MASP1: variants seen among roughly 807,000 people sequenced by gnomAD.
The protein encoded by MASP1 is mannan-binding lectin serine protease 1.
Under a neutral mutation model 77.1 loss-of-function variants are expected in MASP1, and 59 were observed. That is an observed-to-expected ratio of 0.77 (90% CI 0.62 to 0.95). MASP1 has a LOEUF of 0.95. Ranked by LOEUF, MASP1 falls within the 40% of genes least tolerant of loss-of-function variation. The pLI is 0.00. For synonymous variants in MASP1, 362 were observed against 354.5 expected (o/e 1.02, Z -0.24); for missense variants, 885 against 912.9 (o/e 0.97, Z 0.39).
At chr3:187,222,580 T>G (rs924828481) in intron 14 of MASP1, among the ~76,000 whole-genome samples, 1 of 152,170 alleles carries the variant, frequency 6.6e-6, no homozygotes, top group Non-Finnish European at 1.5e-5. Flanking sequence ...TTGGAAATAG[T>G]ATCTTATGGT....
intron 2 of MASP1, among the ~76,000 whole-genome samples, chr3:187,283,897 A>G (rs774840192): frequency 1.3e-5 from 2 of 152,202 alleles, no homozygotes; most frequent in Non-Finnish European, 2.9e-5. Flanking sequence ...ACCCATACCT[A>G]CAATCCATCT....
intron 4 of MASP1, 123 bp downstream of exon 4, chr3:187,260,618 G>A: frequency 1.5e-6 from 2 of 1,327,582 alleles, no homozygotes; most frequent in Non-Finnish European, 1.1e-6. Context: ...TGGTGTCTGA[G>A]GTGCATCATT....
At chr3:187,239,137 G>T (rs1330693812) in intron 10 of MASP1, among the ~76,000 whole-genome samples, 1 of 150,558 alleles carries the variant, frequency 6.6e-6, no homozygotes, top group African/African-American at 2.5e-5. Context: ...GAGGTGGGGA[G>T]TTCGAGACCA....
In MASP1 at chr3:187,235,480, T is replaced by C; in HGVS notation, c.*204A>G. On this transcript the variant is annotated 3_prime_UTR_variant, in exon 11 of 11. Transcript: ENST00000296280. ...GACAGGGAAAGAGACTTGGACAAGC[T>C]CAGGAACACAGGTCTCCTGCCTGGA... The C allele has an allele frequency of 6.6e-7, 1 of 1,523,734 alleles. No homozygotes were observed. Among genetic ancestry groups the C allele is most frequent in the Non-Finnish European group, 8.8e-7 (1 of 1,140,572 alleles). The allele number at this position is 1,523,734 out of a possible 1,614,324, so 94.4% of individuals were successfully genotyped here.
intron 5 of MASP1, 32 bp downstream of exon 5, chr3:187,256,632 A>G (rs1232552019): frequency 2.5e-6 from 4 of 1,610,634 alleles, no homozygotes; most frequent in Non-Finnish European, 3.4e-6. Context: ...ATTTTCCAGC[A>G]TCTCCAGGAC....
At chr3:187,251,333 C>A (rs1714567395) in intron 7 of MASP1, 2 of 368,002 alleles carry the variant, frequency 5.4e-6, no homozygotes, top group South Asian at 5.4e-5. Context: ...GCCCGATGAA[C>A]TTTGTTACAG....
At position 187,262,089 on chromosome 3, in the gene MASP1, G is replaced by A. The variant is rs190633254; in HGVS notation, c.415+454C>T. ...TCTAAGGGAAGTGGGAGCAGAGATT[G>A]ACTGGCAGGGACACAAAGGAACCCC... On this transcript the variant is annotated intron_variant, in intron 3 of 10. Transcript: ENST00000296280. Among the ~76,000 whole-genome samples, 5 of 152,324 alleles carry A rather than the reference G, an allele frequency of 3.3e-5. 1 individual carries two copies. Among genetic ancestry groups the A allele is most frequent in the Admixed American group, 1.3e-4 (2 of 15,298 alleles).
intron 8 of MASP1, chr3:187,244,161 C>T (rs558491734): frequency 6.1e-6 from 1 of 164,116 alleles, no homozygotes; most frequent in East Asian, 1.6e-4. Context: ...CCCCACCCTG[C>T]TGCCTCTCTA....
At chr3:187,229,944 A>G, downstream of MASP1, 4 of 1,609,422 alleles carry the variant, frequency 2.5e-6, no homozygotes, top group Admixed American at 1.7e-5. Flanking sequence ...TCTGGGCTCC[A>G]TCTTGCCCAC....
At chr3:187,279,617 A>G (rs1212712337) in intron 2 of MASP1, among the ~76,000 whole-genome samples, 1 of 152,206 alleles carries the variant, frequency 6.6e-6, no homozygotes, top group African/African-American at 2.4e-5. Flanking sequence ...ACCCTCAGAT[A>G]ACCTTTCTGG....
chr3:187,227,707 A>G (rs1712517968), intron 11 of MASP1, among the ~76,000 whole-genome samples: 1 of 152,122 alleles, frequency 6.6e-6, no homozygotes. Flanking sequence ...ATCCCTGCCC[A>G]TGTCCAGGAC....
At chr3:187,261,688 C>G (rs1715593280) in intron 3 of MASP1, among the ~76,000 whole-genome samples, 1 of 152,134 alleles carries the variant, frequency 6.6e-6, no homozygotes, top group South Asian at 2.1e-4. Flanking sequence ...TAAACGTATA[C>G]CTATCCTATG....
chr3:187,236,325 C>T lies in MASP1; in HGVS notation c.1546G>A (p.Val516Ile), dbSNP rs1377803894. ...TTVIPVSKEH[V>I]TVYLGLHDVR... Reference sequence around the variant, plus strand: ...TCATGCAAGCCCAGGTAGACGGTGACATGCTCCTTGGAGACTGGTATCACC... The same window carrying T: ...TCATGCAAGCCCAGGTAGACGGTGATATGCTCCTTGGAGACTGGTATCACC... The change falls in exon 11 of 11, where the codon GTC (valine) becomes ATC (isoleucine). Residue 516 changes from valine to isoleucine, a missense_variant. Transcript: ENST00000296280. 1 of 1,614,290 alleles carries T rather than the reference C, an allele frequency of 6.2e-7. No individual in the cohort carries two copies. The highest frequency in any genetic ancestry group is 2.2e-5 in the East Asian group (1 of 44,890).
At chr3:187,254,780 G>A (rs959451779) in intron 5 of MASP1, among the ~76,000 whole-genome samples, 1 of 152,114 alleles carries the variant, frequency 6.6e-6, no homozygotes, top group Non-Finnish European at 1.5e-5. Context: ...TATCTGATCC[G>A]GATTCCCCAC....
At chr3:187,246,447 AC>A (rs1449303576) in intron 8 of MASP1, 1 of 985,226 alleles carries the variant, frequency 1.0e-6, no homozygotes, top group Non-Finnish European at 1.2e-6. Flanking sequence ...CGAGAATGGC[AC>A]CTCAGTCTCC....
At chr3:187,226,258 G>A in intron 12 of MASP1, 2 of 680,588 alleles carry the variant, frequency 2.9e-6, no homozygotes, top group Non-Finnish European at 5.4e-6. Context: ...CTTGCACTTG[G>A]ACTCAGGTTC....
At chr3:187,273,087 C>T (rs1200915712) in intron 2 of MASP1, among the ~76,000 whole-genome samples, 1 of 152,186 alleles carries the variant, frequency 6.6e-6, no homozygotes, top group Non-Finnish European at 1.5e-5. Flanking sequence ...CACGTTCTGG[C>T]TCCCAGCTAG....
At chr3:187,284,456 A>G (rs1482076431) in intron 2 of MASP1, among the ~76,000 whole-genome samples, 1 of 152,222 alleles carries the variant, frequency 6.6e-6, no homozygotes, top group Middle Eastern at 3.2e-3. Context: ...GATCTGGTTC[A>G]AAATATCAGT....
intron 2 of MASP1, among the ~76,000 whole-genome samples, chr3:187,266,809 A>G (rs189792168): frequency 8.7e-4 from 132 of 152,312 alleles, no homozygotes; most frequent in Admixed American, 1.8e-3. Flanking sequence ...AAACTATGGC[A>G]GGGCAGCTGG....
Sources: gnomAD v4.1 joint callset for allele counts (sites outside exome capture counted in the v4.1 genomes callset) on GRCh38, gnomAD v4.1.1 for gene constraint, MANE v1.5 for transcripts, NCBI Gene and HGNC (gene_info 2026-07-23, HGNC 2026-07-21) for gene names.